HSPG2: variants seen among roughly 807,000 people sequenced by gnomAD.
HSPG2 encodes basement membrane-specific heparan sulfate proteoglycan core protein.
Under a neutral mutation model 526.6 loss-of-function variants are expected in HSPG2, and 278 were observed. That is an observed-to-expected ratio of 0.53 (90% CI 0.48 to 0.58). HSPG2 has a LOEUF of 0.58. Ranked by LOEUF, HSPG2 falls within the 20% of genes least tolerant of loss-of-function variation. The probability of loss-of-function intolerance (pLI) is 0.00; values close to 1 mark genes in which losing one functional copy is unlikely to be tolerated. For synonymous variants in HSPG2, 2,465 were observed against 2,555.4 expected (o/e 0.96, Z 1.07); for missense variants, 5,354 against 6,099.5 (o/e 0.88, Z 4.07).
At chr1:21,892,055 AG>A (rs149879859) in intron 3 of HSPG2, among the ~76,000 whole-genome samples, 1 of 152,392 alleles carries the variant, frequency 6.6e-6, no homozygotes, top group African/African-American at 2.4e-5. Flanking sequence ...GTGGCAGAGC[AG>A]GGAGTGGCAC....
chr1:21,842,785 G>A lies in HSPG2; in HGVS notation c.8895C>T (p.Leu2965=). 6.2e-7 allele frequency: 1 copy of A among 1,613,378 alleles called. No homozygotes were observed. Among genetic ancestry groups the A allele is most frequent in the East Asian group, 2.2e-5 (1 of 44,882 alleles). Residue 2965 remains leucine (L), a synonymous_variant, in exon 67 of 97, where the codon CTC becomes CTT. Coordinates refer to ENST00000374695, the MANE Select transcript of HSPG2 (RefSeq NM_005529.7). ...GCCCCTGTACCTGGTGCCGGGCGGG[G>A]AGGCTGCCCCCGCGCTTGTACCACG... ...QVTWYKRGGS[L]PARHQTHGSQ...
rs778722649 is a variant in HSPG2, at chr1:21,828,589, G to A, written c.12238-163C>T. On this transcript the variant is annotated intron_variant, in intron 88 of 96. Coordinates refer to ENST00000374695, the MANE Select transcript of HSPG2 (RefSeq NM_005529.7). This position sits in a 1 kb window ranked among gnomAD's most constrained non-coding sequence, Gnocchi z 6.0. ...GGGGAGGGAGGCGCAGGAGTTGAGT[G>A]CCTACTGTGTGCTAGAAACATTCAT... Among the ~76,000 whole-genome samples, 1 of 152,130 alleles carries A rather than the reference G, an allele frequency of 6.6e-6. No individual in the cohort carries two copies. The highest frequency in any genetic ancestry group is 2.1e-4 in the South Asian group (1 of 4,818).
At chr1:21,871,425 TA>T in intron 33 of HSPG2, among the ~76,000 whole-genome samples, 1 of 152,008 alleles carries the variant, frequency 6.6e-6, no homozygotes, top group Non-Finnish European at 1.5e-5. Flanking sequence ...CACGCCCAGC[TA>T]ATTTTTTGTA....
Position 21,890,400 on chromosome 1 carries a change from A to G in HSPG2, c.413+27T>C. 1.2e-6 allele frequency: 2 copies of G among 1,610,488 alleles called. No individual in the cohort carries two copies. Among genetic ancestry groups the G allele is most frequent in the Non-Finnish European group, 1.7e-6 (2 of 1,177,100 alleles). ...TCCAGGTTACCCGCTCAAGTCCCCC[A>G]GCAGCCCCCAGGGAGCCCCTTCTCA... On this transcript the variant is annotated intron_variant, in intron 5 of 96. Coordinates refer to ENST00000374695, the MANE Select transcript of HSPG2 (RefSeq NM_005529.7). This position sits in a 1 kb window ranked among gnomAD's most constrained non-coding sequence, Gnocchi z 4.1.
At chr1:21,888,639 C>T (rs1189793136) in intron 6 of HSPG2, 3 of 1,358,162 alleles carry the variant, frequency 2.2e-6, no homozygotes, top group Non-Finnish European at 2.0e-6. Flanking sequence ...AGGAACCTGG[C>T]TGGGCCTCGG....
At chr1:21,921,334 C>T (rs1254673576) in intron 1 of HSPG2, among the ~76,000 whole-genome samples, 1 of 152,096 alleles carries the variant, frequency 6.6e-6, no homozygotes, top group Non-Finnish European at 1.5e-5. Context: ...GTGCTAGAAG[C>T]GGCTTCCTTG....
At chr1:21,921,667 T>C (rs770383947) in intron 1 of HSPG2, among the ~76,000 whole-genome samples, 2 of 152,106 alleles carry the variant, frequency 1.3e-5, no homozygotes, top group Admixed American at 6.6e-5. Flanking sequence ...GCAGAGCCAG[T>C]GTGGAAAGCA....
At chr1:21,855,716 CAG>C (rs751889635) in intron 45 of HSPG2, 41 bp from the exon 46 acceptor site, 8 of 1,595,982 alleles carry the variant, frequency 5.0e-6, no homozygotes, top group Non-Finnish European at 6.8e-6. Flanking sequence ...CAAGCCTGCT[CAG>C]AGTCCTGCCC....
At position 21,847,795 on chromosome 1, in the gene HSPG2, G is replaced by A. The variant is rs374605446; in HGVS notation, c.7919C>T (p.Thr2640Met). ...ATCCAAGGTCTGCCCTTCCACCACC[G>A]TGGGGGAAGACGACTCGATCCTGAT... ...PPIRIESSSPTVVEGQTLDLN... is the reference protein window; with the variant it reads ...PPIRIESSSPMVVEGQTLDLN... Residue 2640 changes from threonine (T) to methionine (M), a missense_variant, in exon 61 of 97, where the codon ACG becomes ATG. Coordinates refer to ENST00000374695, the MANE Select transcript of HSPG2 (RefSeq NM_005529.7). This position sits in a 1 kb window ranked among gnomAD's most constrained non-coding sequence, Gnocchi z 4.1. The A allele has an allele frequency of 1.2e-5, 20 of 1,613,706 alleles. 1 individual carries two copies. Among genetic ancestry groups the A allele is most frequent in the South Asian group, 6.6e-5 (6 of 91,080 alleles).
chr1:21,827,112 G>A (rs1264998329), intron 91 of HSPG2, among the ~76,000 whole-genome samples: 2 of 151,802 alleles, frequency 1.3e-5, no homozygotes, highest in Non-Finnish European at 2.9e-5. Flanking sequence ...GGAAGCTGAG[G>A]CAGCAGAATC....
At chr1:21,838,739 C>A (rs1252829897) in intron 74 of HSPG2, 86 bp downstream of exon 74, 3 of 1,422,144 alleles carry the variant, frequency 2.1e-6, no homozygotes, top group Admixed American at 1.9e-5. Flanking sequence ...TGGAGGGAGG[C>A]CTTCCCACCC....
At position 21,887,091 on chromosome 1, in the gene HSPG2, TG is replaced by T; in HGVS notation, c.1078+123del. The stretch of plus-strand genomic sequence containing the variant: ...GCCAGGGAGAGCAAACAAACAGGCT[TG>T]GGGGACTGGGGAGGGGGGAAAGCGG... On this transcript the variant is annotated intron_variant, in intron 9 of 96. Coordinates refer to ENST00000374695, the MANE Select transcript of HSPG2 (RefSeq NM_005529.7). The surrounding 1 kb of genome is among the most constrained non-coding windows in gnomAD (Gnocchi z 5.0). The T allele has an allele frequency of 1.1e-6, 1 of 882,422 alleles. No homozygotes were observed. The highest frequency in any genetic ancestry group is 1.5e-5 in the South Asian group (1 of 64,730). The allele number at this position is 882,422 out of a possible 1,614,324, so 54.7% of individuals were successfully genotyped here.
rs539181825 is a variant in HSPG2 at position 21,904,361 on chromosome 1, G to A, written c.64-8051C>T. 2.0e-5 allele frequency among the ~76,000 whole-genome samples: 3 copies of A among 152,310 alleles called. No individual in the cohort carries two copies. In the East Asian group the frequency reaches 5.8e-4, roughly 29 times the overall value. On this transcript the variant is annotated intron_variant, in intron 1 of 96. Coordinates refer to ENST00000374695, the MANE Select transcript of HSPG2 (RefSeq NM_005529.7). This position sits in a 1 kb window ranked among gnomAD's most constrained non-coding sequence, Gnocchi z 4.4. The stretch of plus-strand genomic sequence containing the variant: ...ACACGCTGAGGCCAGGGCTGGAGAG[G>A]GCACGGCACGTTCGCGGGGTGGGAG...
chr1:21,923,994 G>C (rs1269920088), intron 1 of HSPG2, among the ~76,000 whole-genome samples: 1 of 152,190 alleles, frequency 6.6e-6, no homozygotes, highest in East Asian at 1.9e-4. Context: ...TGCCCCTGAT[G>C]TCAGCTTAGC....
At position 21,854,430 on chromosome 1, in the gene HSPG2, C is replaced by G. The variant is rs991135366; in HGVS notation, c.6289-87G>C. The G allele has an allele frequency of 1.5e-5, 23 of 1,509,086 alleles. No homozygotes were observed. The African/African-American group carries it at 2.5e-4, about 16-fold the overall frequency. 93.5% of individuals were successfully genotyped at this position (1,509,086 alleles called of 1,614,324 possible). ...TCAGCCTCAGTGATTCATTCAAACT[C>G]TCACTGGCTCTGCTCCGAGCCATCC... On this transcript the variant is annotated intron_variant, in intron 49 of 96. Coordinates refer to ENST00000374695, the MANE Select transcript of HSPG2 (RefSeq NM_005529.7).
chr1:21,847,917 C>G lies in HSPG2; in HGVS notation c.7873+41G>C. On this transcript the variant is annotated intron_variant, in intron 60 of 96. Coordinates refer to ENST00000374695, the MANE Select transcript of HSPG2 (RefSeq NM_005529.7). The surrounding 1 kb of genome is among the most constrained non-coding windows in gnomAD (Gnocchi z 4.1). ...GCACCGGGGACCTCTCTGCCACCCT[C>G]TGCGCCACTTGTCTGTACCCCCTGC... 6.2e-7 allele frequency: 1 copy of G among 1,613,840 alleles called. No individual in the cohort carries two copies.
At chr1:21,843,161 T>TG in intron 66 of HSPG2, 136 bp downstream of exon 66, 1 of 1,310,912 alleles carries the variant, frequency 7.6e-7, no homozygotes, top group East Asian at 2.3e-5. Flanking sequence ...ACACCTGGGT[T>TG]GGCTTGATCC....
chr1:21,835,138 ACTT>A lies in HSPG2; in HGVS notation c.10454-196_10454-194del, dbSNP rs773840379. On this transcript the variant is annotated intron_variant, in intron 76 of 96. Coordinates refer to ENST00000374695, the MANE Select transcript of HSPG2 (RefSeq NM_005529.7). ...TATGCATTTACTCACTCACGTGTCC[ACTT>A]CTTTTTTTTTTTTAGACAAAGGGTC... 108 of 666,886 alleles carry A rather than the reference ACTT, an allele frequency of 1.6e-4. 1 individual carries two copies. The highest frequency in any genetic ancestry group is 5.7e-4 in the East Asian group (21 of 36,610). The allele number at this position is 666,886 out of a possible 1,614,324, so 41.3% of individuals were successfully genotyped here.
chr1:21,884,671 G>C lies in HSPG2; in HGVS notation c.1511C>G (p.Pro504Arg), dbSNP rs771259413. ...GVLELVPQRG[P>R]CPDGHFYLEH... ...CAGGTAGAAGTGGCCGTCAGGGCAG[G>C]GGCCTGCTGGGCGGCATGGGCGGGG... is the stretch of plus-strand genomic sequence containing the variant. Residue 504 changes from proline to arginine, a missense_variant, in exon 13 of 97, where the codon CCC (proline) becomes CGC (arginine). By Grantham distance (103) the Pro-to-Arg change is moderately radical (BLOSUM62 -2). Coordinates refer to ENST00000374695, the MANE Select transcript of HSPG2 (RefSeq NM_005529.7). 2 of 1,611,240 alleles carry C rather than the reference G, an allele frequency of 1.2e-6. No individual in the cohort carries two copies. The highest frequency in any genetic ancestry group is 1.7e-6 in the Non-Finnish European group (2 of 1,178,952).
Sources: allele counts gnomAD v4.1 joint callset (sites outside exome capture counted in the v4.1 genomes callset), GRCh38; gene constraint gnomAD v4.1.1; non-coding constraint Gnocchi (gnomAD v3.1); transcripts MANE v1.5; gene names NCBI Gene and HGNC (gene_info 2026-07-23, HGNC 2026-07-21).